Variants in TRHDE observed in about 807,000 individuals in gnomAD.
TRHDE encodes the protein thyrotropin releasing hormone degrading enzyme, also known as thyrotropin-releasing hormone-degrading ectoenzyme.
A neutral mutation model predicts 125.7 loss-of-function variants in TRHDE; 72 were observed. The ratio of observed to expected loss-of-function variants is 0.57; its 90% CI spans 0.47 to 0.70. The LOEUF is 0.70. Ranked by LOEUF, TRHDE falls within the 30% of genes least tolerant of loss-of-function variation. The probability of loss-of-function intolerance (pLI) is 0.00; values close to 1 mark genes in which losing one functional copy is unlikely to be tolerated. For missense variants in TRHDE, 1,110 were observed against 1,327.1 expected (o/e 0.84, Z 2.54); for synonymous variants, 509 against 509.1 (o/e 1.00, Z 0.00).
At chr12:72,335,595 T>C (rs1044458401) in intron 2 of TRHDE, among the ~76,000 whole-genome samples, 21 of 152,214 alleles carry the variant, frequency 1.4e-4, no homozygotes, top group African/African-American at 4.6e-4. Context: ...ATGAGCACTG[T>C]AATATGAGCA....
At chr12:72,275,482 A>AG (rs1879452956) in intron 1 of TRHDE, among the ~76,000 whole-genome samples, 1 of 152,216 alleles carries the variant, frequency 6.6e-6, no homozygotes, top group East Asian at 1.9e-4. Context: ...CAGATTAAAA[A>AG]TATTTTTTAA....
At position 72,221,429 on chromosome 12, in the gene TRHDE, T is replaced by C. The variant is rs1592489147; in HGVS notation, n.279+115677T>C. On this transcript the variant is annotated intron_variant and non_coding_transcript_variant, in intron 2 of 4. Transcript: ENST00000548156. ...GCTAATCAGTAATCTTTTTTGTTTATTTATCTTCAGACCTTGAAAATTGTT... is the reference window on the plus strand; with the variant it reads ...GCTAATCAGTAATCTTTTTTGTTTACTTATCTTCAGACCTTGAAAATTGTT... Among the ~76,000 whole-genome samples, 5 of 152,220 alleles carry C rather than the reference T, an allele frequency of 3.3e-5. No homozygotes were observed. The East Asian group carries it at 9.7e-4, about 29-fold the overall frequency.
At chr12:72,575,455 A>G (rs1870946387) in intron 11 of TRHDE, 32 bp from the exon 12 acceptor site, 1 of 1,613,386 alleles carries the variant, frequency 6.2e-7, no homozygotes, top group Non-Finnish European at 8.5e-7. Flanking sequence ...TTAATCCTAA[A>G]TTATCCTATT....
intron 2 of TRHDE, among the ~76,000 whole-genome samples, chr12:72,123,332 C>A (rs1453713219): frequency 1.3e-5 from 2 of 151,684 alleles, no homozygotes; most frequent in Non-Finnish European, 2.9e-5. Context: ...TATTTGAGTA[C>A]AATAGTAATA....
chr12:72,095,182 G>A (rs557179940), intron 1 of TRHDE, among the ~76,000 whole-genome samples: 1 of 152,308 alleles, frequency 6.6e-6, no homozygotes, highest in East Asian at 1.9e-4. Context: ...ATCCTTTAGT[G>A]TGGGCTGTCT....
At position 72,399,553 on chromosome 12, in the gene TRHDE, T is replaced by A. The variant is rs573911802; in HGVS notation, c.1315+21432T>A. ...GAACATAAATGTCAATGTTTCAAAT[T>A]CTATTTCTCACCAAGAAACTGATTT... On this transcript the variant is annotated intron_variant, in intron 3 of 18. Transcript: ENST00000261180. Among the ~76,000 whole-genome samples the A allele has an allele frequency of 2.6e-5, 4 of 152,298 alleles. No individual in the cohort carries two copies. In the East Asian group the frequency reaches 7.7e-4, roughly 29 times the overall value.
At chr12:72,277,922 T>C (rs940888471) in intron 1 of TRHDE, among the ~76,000 whole-genome samples, 4 of 152,142 alleles carry the variant, frequency 2.6e-5, no homozygotes, top group African/African-American at 9.7e-5. Context: ...AAATGCATCA[T>C]CTCATATAGC....
At chr12:72,630,531 G>C (rs1013375511) in intron 15 of TRHDE, among the ~76,000 whole-genome samples, 1 of 151,536 alleles carries the variant, frequency 6.6e-6, no homozygotes, top group Non-Finnish European at 1.5e-5. Flanking sequence ...TAATTTATTT[G>C]GCAGCTCTAG....
chr12:72,393,726 T>C (rs1029109468), intron 3 of TRHDE, among the ~76,000 whole-genome samples: 1 of 152,204 alleles, frequency 6.6e-6, no homozygotes, highest in Non-Finnish European at 1.5e-5. Context: ...ATCGGTATAA[T>C]GCTGTGTTAT....
At chr12:72,302,602 G>A (rs2135689024) in intron 2 of TRHDE, among the ~76,000 whole-genome samples, 1 of 152,214 alleles carries the variant, frequency 6.6e-6, no homozygotes, top group East Asian at 1.9e-4. Flanking sequence ...GTAAGTGCTG[G>A]AGCTGGGCTT....
intron 2 of TRHDE, among the ~76,000 whole-genome samples, chr12:72,341,839 A>C (rs1870099302): frequency 6.6e-6 from 1 of 152,144 alleles, no homozygotes; most frequent in Non-Finnish European, 1.5e-5. Flanking sequence ...GTTTATAAAG[A>C]CAGTTCTAAA....
intron 2 of TRHDE, among the ~76,000 whole-genome samples, chr12:72,372,712 C>T (rs867791414): frequency 3.2e-4 from 49 of 152,064 alleles, no homozygotes; most frequent in African/African-American, 9.9e-4. Context: ...ATATGCGGCA[C>T]TATTTCTGAG....
intron 2 of TRHDE, among the ~76,000 whole-genome samples, chr12:72,240,000 T>C (rs1057131749): frequency 1.3e-5 from 2 of 152,176 alleles, no homozygotes; most frequent in African/African-American, 4.8e-5. Flanking sequence ...TTTTGTATAG[T>C]TTTACTGGAA....
intron 3 of TRHDE, among the ~76,000 whole-genome samples, chr12:72,381,316 G>A (rs1872165607): frequency 6.6e-6 from 1 of 152,124 alleles, no homozygotes; most frequent in Non-Finnish European, 1.5e-5. Context: ...AAAATATGAT[G>A]GATGCTTGGA....
intron 1 of TRHDE, among the ~76,000 whole-genome samples, chr12:72,285,323 GA>G (rs1879840081): frequency 6.6e-6 from 1 of 152,152 alleles, no homozygotes; most frequent in South Asian, 2.1e-4. Context: ...ATGATGGAGA[GA>G]GGAGTGGTGG....
chr12:72,317,128 G>C (rs947288084), intron 2 of TRHDE, among the ~76,000 whole-genome samples: 1 of 152,100 alleles, frequency 6.6e-6, no homozygotes, highest in Non-Finnish European at 1.5e-5. Flanking sequence ...GACAGTCTTA[G>C]AAAGTTAAAA....
rs374345444 is a variant in TRHDE at position 72,627,708 on chromosome 12, C to T, written c.2675+5957C>T. Reference sequence around the variant, plus strand: ...ACTTGACTTTCTTTTTTTAAAAAAACGAGATCTCGTTCTATTATCCAAGTG... The same window carrying T: ...ACTTGACTTTCTTTTTTTAAAAAAATGAGATCTCGTTCTATTATCCAAGTG... On this transcript the variant is annotated intron_variant, in intron 15 of 18. Transcript: ENST00000261180. Among the ~76,000 whole-genome samples the T allele has an allele frequency of 1.1e-3, 160 of 151,810 alleles. 1 individual carries two copies. Among genetic ancestry groups the T allele is most frequent in the African/African-American group, 3.7e-3 (154 of 41,468 alleles).
At chr12:72,113,271 G>T (rs1875363316) in intron 2 of TRHDE, among the ~76,000 whole-genome samples, 1 of 151,838 alleles carries the variant, frequency 6.6e-6, no homozygotes, top group African/African-American at 2.4e-5. Flanking sequence ...TGCCCACTGT[G>T]GCTTCCCAAA....
chr12:72,609,982 T>C (rs181257147), intron 12 of TRHDE, among the ~76,000 whole-genome samples: 3 of 152,348 alleles, frequency 2.0e-5, no homozygotes, highest in Admixed American at 6.5e-5. Flanking sequence ...TTAAGAGTTG[T>C]ATTTTCCATG....
Sources: gnomAD v4.1 joint callset for allele counts (sites outside exome capture counted in the v4.1 genomes callset) on GRCh38, gnomAD v4.1.1 for gene constraint, MANE v1.5 for transcripts, NCBI Gene and HGNC (gene_info 2026-07-23, HGNC 2026-07-21) for gene names.